Variants in PCDHA1 observed in about 807,000 individuals in gnomAD.
PCDHA1 encodes the protein protocadherin alpha 1, also known as protocadherin alpha-1.
In PCDHA1, 42 loss-of-function variants were observed where a neutral mutation model predicts 61.3. The ratio of observed to expected loss-of-function variants is 0.69; its 90% CI spans 0.54 to 0.89. The LOEUF (loss-of-function observed/expected upper bound fraction) is 0.89. Among genes scored for constraint, PCDHA1 ranks in the 40% least tolerant of loss-of-function variants. The probability of loss-of-function intolerance (pLI) is 0.00; values close to 1 mark genes in which losing one functional copy is unlikely to be tolerated. For synonymous variants in PCDHA1, 610 were observed against 553.8 expected (o/e 1.10, Z -1.43); for missense variants, 1,256 against 1,235.3 (o/e 1.02, Z -0.25).
In PCDHA1 at chr5:141,009,724, T is replaced by A. The variant is rs1554262325; in HGVS notation, c.2640T>A (p.Gly880=). The change falls in exon 4 of 4, where the codon GGT becomes GGA. Residue 880 remains glycine (G), a synonymous_variant. Transcript: ENST00000504120. ...KYGPGNPKQS[G]PGELPDKFII... is the part of the protein sequence containing the mutation. ...GACCAGGCAACCCCAAACAATCCGG[T>A]CCCGGTGAGTTGCCCGACAAATTCA... 6.2e-7 allele frequency: 1 copy of A among 1,614,116 alleles called. No individual in the cohort carries two copies. The highest frequency in any genetic ancestry group is 2.2e-5 in the East Asian group (1 of 44,868).
chr5:140,863,834 A>G lies in PCDHA1; in HGVS notation c.2394+75150A>G, dbSNP rs868982708. The G allele has an allele frequency of 1.6e-5, 3 of 185,882 alleles. No homozygotes were observed. The East Asian group carries it at 3.9e-4, about 24-fold the overall frequency. The allele number at this position is 185,882 out of a possible 1,614,324, so 11.5% of individuals were successfully genotyped here. A position where few individuals can be genotyped will look rare whatever the true frequency, so the allele number is the denominator to read the frequency against. The stretch of plus-strand genomic sequence containing the variant: ...GCCAACATGGTGAAACTCCATCTCT[A>G]CTAAAGATATAAAAAAATTAGCTGG... On this transcript the variant is annotated intron_variant, in intron 1 of 3. Transcript: ENST00000504120.
Position 140,807,844 on chromosome 5 carries a change from A to T in PCDHA1, c.2394+19160A>T, listed in dbSNP as rs782535026. ...TGCTCACAGCCACTGATGGAGGCAAACCCGAGTTGACTGGCACCGTTCAGT... is the reference window on the plus strand; with the variant it reads ...TGCTCACAGCCACTGATGGAGGCAATCCCGAGTTGACTGGCACCGTTCAGT... On this transcript the variant is annotated intron_variant, in intron 1 of 3. Transcript: ENST00000504120. 1.5e-5 allele frequency: 24 copies of T among 1,614,148 alleles called. 1 individual carries two copies. In the African/African-American group the frequency reaches 3.1e-4, roughly 21 times the overall value.
intron 1 of PCDHA1, chr5:140,843,550 T>C (rs1554140221): frequency 6.3e-7 from 1 of 1,595,798 alleles, no homozygotes; most frequent in African/African-American, 1.3e-5. Flanking sequence ...TGTGCTCCAG[T>C]GCGGTGGGGA....
chr5:140,980,873 T>C (rs1586863406), intron 2 of PCDHA1, among the ~76,000 whole-genome samples: 1 of 152,338 alleles, frequency 6.6e-6, no homozygotes, highest in East Asian at 1.9e-4. Context: ...TGCTTGGGTG[T>C]TCTCGGTCTT....
rs1172235906 is a variant in PCDHA1, at chr5:140,871,551, C to T, written c.2394+82867C>T. 10 of 1,494,576 alleles carry T rather than the reference C, an allele frequency of 6.7e-6. No homozygotes were observed. The Admixed American group carries it at 2.5e-4, about 38-fold the overall frequency. 92.6% of individuals were successfully genotyped at this position (1,494,576 alleles called of 1,614,324 possible). ...AGTGTATGTGAAATTATTTAAAATC[C>T]AGTTTTTTTTCACGGATTTTTTAAG... On this transcript the variant is annotated intron_variant, in intron 1 of 3. Transcript: ENST00000504120.
chr5:140,795,855 CA>C (rs781891525), intron 1 of PCDHA1: 2 of 1,613,876 alleles, frequency 1.2e-6, no homozygotes, highest in Admixed American at 3.3e-5. Flanking sequence ...CCATAGATCC[CA>C]TCTCAGGGGA....
intron 1 of PCDHA1, among the ~76,000 whole-genome samples, chr5:140,893,884 G>T (rs189719076): frequency 6.6e-6 from 1 of 152,296 alleles, no homozygotes; most frequent in Non-Finnish European, 1.5e-5. Flanking sequence ...AAAGTGGCCA[G>T]AAAGTTACTT....
At chr5:140,987,269 G>A (rs1442679377) in intron 3 of PCDHA1, among the ~76,000 whole-genome samples, 8 of 151,806 alleles carry the variant, frequency 5.3e-5, no homozygotes, top group African/African-American at 9.7e-5. Flanking sequence ...AATGGGACCC[G>A]GCAGTCTATG....
chr5:140,851,644 C>A, intron 1 of PCDHA1: 1 of 913,486 alleles, frequency 1.1e-6, no homozygotes, highest in Non-Finnish European at 1.3e-6. Flanking sequence ...TTCCTTTCTT[C>A]AAGAAGACAT....
intron 1 of PCDHA1, chr5:140,802,902 C>T (rs782553261): frequency 1.9e-6 from 3 of 1,613,772 alleles, no homozygotes; most frequent in East Asian, 2.2e-5. Context: ...GCTGATGCCT[C>T]GGGTGGGTGG....
At chr5:140,969,045 C>A (rs782611179) in intron 1 of PCDHA1, 1 of 1,614,090 alleles carries the variant, frequency 6.2e-7, no homozygotes, top group Admixed American at 1.7e-5. Context: ...TACAAACAAG[C>A]CAACAACAAT....
intron 3 of PCDHA1, among the ~76,000 whole-genome samples, chr5:141,006,247 T>C (rs1554260651): frequency 2.0e-5 from 3 of 152,126 alleles, no homozygotes; most frequent in Non-Finnish European, 2.9e-5. Context: ...AGTCTTGCTC[T>C]GTTGCCCAGG....
In PCDHA1 at chr5:140,823,211, G is replaced by A. The variant is rs2150123519; in HGVS notation, c.2394+34527G>A. The A allele has an allele frequency of 1.9e-5, 30 of 1,613,796 alleles. 2 individuals carry two copies. The South Asian group carries it at 2.7e-4, about 15-fold the overall frequency. ...TGCCACATCTTCACGGTGTCTGCAC[G>A]GGACGCGGACGCGCAGGAGAACGCC... On this transcript the variant is annotated intron_variant, in intron 1 of 3. Transcript: ENST00000504120.
At chr5:140,875,026 C>T (rs2055229265) in intron 1 of PCDHA1, among the ~76,000 whole-genome samples, 1 of 152,142 alleles carries the variant, frequency 6.6e-6, no homozygotes, top group South Asian at 2.1e-4. Flanking sequence ...TTCTGGCCTA[C>T]TGTATTTGAA....
At chr5:141,006,978 T>C (rs2098297277) in intron 3 of PCDHA1, among the ~76,000 whole-genome samples, 1 of 152,090 alleles carries the variant, frequency 6.6e-6, no homozygotes, top group African/African-American at 2.4e-5. Context: ...CACAGAGAGA[T>C]GTGGGCTTAA....
intron 1 of PCDHA1, chr5:140,852,892 T>C: frequency 1.1e-6 from 1 of 911,000 alleles, no homozygotes; most frequent in Non-Finnish European, 1.3e-6. Context: ...CGTATTTTTT[T>C]TTTTGAGTCA....
chr5:140,855,491 A>G (rs251361), intron 1 of PCDHA1, among the ~76,000 whole-genome samples: 72,952 of 149,084 alleles, frequency 0.49, 20,776 homozygotes, highest in South Asian at 0.61. Flanking sequence ...TTAGTGTCTA[A>G]ATAAACCTTA....
chr5:140,936,091 C>T (rs782416143), intron 1 of PCDHA1, among the ~76,000 whole-genome samples: 2 of 152,046 alleles, frequency 1.3e-5, no homozygotes, highest in Non-Finnish European at 2.9e-5. Flanking sequence ...CAGGGTTTCA[C>T]CATGTTGGCC....
intron 1 of PCDHA1, chr5:140,834,742 A>T: frequency 1.2e-6 from 2 of 1,614,196 alleles, no homozygotes; most frequent in Non-Finnish European, 1.7e-6. Flanking sequence ...TTCCATGTGG[A>T]CGTGGAGGTG....
Sources: gnomAD v4.1 joint callset for allele counts (sites outside exome capture counted in the v4.1 genomes callset) on GRCh38, gnomAD v4.1.1 for gene constraint, MANE v1.5 for transcripts, NCBI Gene and HGNC (gene_info 2026-07-23, HGNC 2026-07-21) for gene names.